The following FKTN variants were observed in gnomAD, a reference collection of about 807,000 sequenced individuals.
FKTN encodes ribitol-5-phosphate transferase FKTN.
In FKTN, 47 loss-of-function variants were observed where a neutral mutation model predicts 58.6. The observed-to-expected ratio is 0.80, with a 90% CI of 0.63 to 1.02. The LOEUF (loss-of-function observed/expected upper bound fraction) is 1.02, where lower values mean the gene tolerates loss of function less well. Ranked by LOEUF, FKTN falls within the 50% of genes least tolerant of loss-of-function variation. The probability of loss-of-function intolerance (pLI) is 0.00; values close to 1 mark genes in which losing one functional copy is unlikely to be tolerated. For missense variants in FKTN, 516 were observed against 537.3 expected, an observed-to-expected ratio of 0.96 and a Z score of 0.39; for synonymous variants, 178 against 191.9, an observed-to-expected ratio of 0.93 and a Z score of 0.60.
intron 3 of FKTN, among the ~76,000 whole-genome samples, chr9:105,582,031 A>G (rs1027779569): frequency 6.6e-6 from 1 of 151,986 alleles, no homozygotes; most frequent in African/African-American, 2.4e-5. Context: ...CGGCTCGCGC[A>G]CGGTGCGCGC....
At chr9:105,597,056 C>T (rs1298227139) in intron 4 of FKTN, among the ~76,000 whole-genome samples, 3 of 152,126 alleles carry the variant, frequency 2.0e-5, no homozygotes, top group African/African-American at 7.2e-5. Context: ...TCTATTCAAC[C>T]TATTCCTTTA....
At chr9:105,581,118 T>C (rs888804242) in intron 3 of FKTN, among the ~76,000 whole-genome samples, 1 of 149,716 alleles carries the variant, frequency 6.7e-6, no homozygotes, top group Admixed American at 6.6e-5. Flanking sequence ...TTGAATGTCC[T>C]CCCGTAGCTC....
chr9:105,583,934 C>T (rs975333972), intron 3 of FKTN, among the ~76,000 whole-genome samples: 5 of 152,112 alleles, frequency 3.3e-5, no homozygotes, highest in Non-Finnish European at 5.9e-5. Context: ...TTACCCATTA[C>T]TTTAAAAATC....
At chr9:105,565,701 G>C (rs1839440170) in intron 1 of FKTN, among the ~76,000 whole-genome samples, 1 of 152,142 alleles carries the variant, frequency 6.6e-6, no homozygotes. Flanking sequence ...ATAATAATGG[G>C]AGACTTTAAC....
At chr9:105,575,230 T>C in intron 3 of FKTN, 93 bp downstream of exon 3, 1 of 797,224 alleles carries the variant, frequency 1.3e-6, no homozygotes, top group South Asian at 1.4e-5. Context: ...ATATTAATCA[T>C]GGGTATTCAA....
intron 1 of FKTN, among the ~76,000 whole-genome samples, chr9:105,566,339 CA>C (rs1839608011): frequency 6.6e-6 from 1 of 152,014 alleles, no homozygotes; most frequent in African/African-American, 2.4e-5. Context: ...AAAAACCCTT[CA>C]AAAAATCAAT....
intron 10 of FKTN, among the ~76,000 whole-genome samples, chr9:105,632,766 AT>A (rs542889077): frequency 1.3e-5 from 2 of 152,162 alleles, no homozygotes; most frequent in African/African-American, 4.8e-5. Flanking sequence ...GGATGGAAGG[AT>A]TTTTTTGTGG....
intron 4 of FKTN, 131 bp downstream of exon 4, chr9:105,596,788 C>T (rs1183319677): frequency 1.3e-6 from 1 of 744,126 alleles, no homozygotes; most frequent in Non-Finnish European, 2.4e-6. Context: ...TTGGTAGTGG[C>T]AGGTAAGGGA....
chr9:105,624,470 A>T (rs915045309), intron 10 of FKTN: 8 of 151,994 alleles, frequency 5.3e-5, no homozygotes, highest in African/African-American at 9.6e-5. Context: ...TTATATAAAA[A>T]TTTTTTAAAA....
In FKTN at chr9:105,603,954, T is replaced by C. The variant is rs80316703; in HGVS notation, c.370-261T>C. The C allele has an allele frequency of 0.011, 5,020 of 468,546 alleles. 222 individuals carry two copies. The highest frequency in any genetic ancestry group is 0.09 in the African/African-American group (4,561 of 50,734). The allele number at this position is 468,546 out of a possible 1,614,324, so 29.0% of individuals were successfully genotyped here. ...AAGCGCTGGGATTACAGGGGTGAGC[T>C]ATGGTGCCCAACCTATAAAGAGAGT... On this transcript the variant is annotated intron_variant, in intron 5 of 10. Transcript: ENST00000357998.
chr9:105,589,813 T>C (rs1844538697), intron 3 of FKTN, among the ~76,000 whole-genome samples: 1 of 152,122 alleles, frequency 6.6e-6, no homozygotes, highest in South Asian at 2.1e-4. Context: ...TGAAGCATAC[T>C]AGGTAGAAAA....
At chr9:105,568,946 A>G (rs1271636818) in intron 1 of FKTN, among the ~76,000 whole-genome samples, 1 of 152,222 alleles carries the variant, frequency 6.6e-6, no homozygotes, top group East Asian at 1.9e-4. Context: ...ACACCATGAA[A>G]TATTATGCAG....
Position 105,575,169 on chromosome 9 carries a change from CCTTT to C in FKTN, c.105+36_105+39del, listed in dbSNP as rs398123554. On this transcript the variant is annotated intron_variant, in intron 3 of 10. Transcript: ENST00000357998. ...TTATTCCTTCTTTCTTATCATTCCT[CCTTT>C]CTTATCATTGTATATTTTCTGATCA... 2.0e-3 allele frequency: 2,257 copies of C among 1,123,672 alleles called. 34 individuals are homozygous for C. The African/African-American group carries it at 0.031, about 16-fold the overall frequency. 69.6% of individuals were successfully genotyped at this position (1,123,672 alleles called of 1,614,324 possible).
chr9:105,637,316 TAAGAGTGTCTGAA>T lies in FKTN; in HGVS notation c.*2054_*2066del, dbSNP rs964028801. On this transcript the variant is annotated 3_prime_UTR_variant, in exon 11 of 11. Coordinates refer to ENST00000357998, the MANE Select transcript of FKTN (RefSeq NM_001079802.2). ...TATCCTTTCCTGAAGTACAAAGTCT[TAAGAGTGTCTGAA>T]ATCCAAGACATCTTGGCCCAATTGA... 4 of 985,158 alleles carry T rather than the reference TAAGAGTGTCTGAA, an allele frequency of 4.1e-6. No individual in the cohort carries two copies. The African/African-American group carries it at 7.0e-5, about 17-fold the overall frequency. 61.0% of individuals were successfully genotyped at this position (985,158 alleles called of 1,614,324 possible).
At position 105,573,312 on chromosome 9, in the gene FKTN, A is replaced by G. The variant is rs368626406; in HGVS notation, c.-180-343A>G. 4.0e-4 allele frequency among the ~76,000 whole-genome samples: 61 copies of G among 152,168 alleles called. No homozygotes were observed. The South Asian group carries it at 0.013, about 32-fold the overall frequency. ...TATAACAGAAAAAATATTTAAGAAA[A>G]CCTTCTGCAAAGAAAAGACATCTTT... On this transcript the variant is annotated intron_variant, in intron 1 of 10. Transcript: ENST00000357998.
At chr9:105,623,607 G>T (rs1832320637) in intron 10 of FKTN, among the ~76,000 whole-genome samples, 1 of 152,158 alleles carries the variant, frequency 6.6e-6, no homozygotes, top group African/African-American at 2.4e-5. Flanking sequence ...AGAAAATTCA[G>T]ATTCATCCTC....
rs75204728 is a variant in FKTN, at chr9:105,608,778, C to T, written c.780+827C>T. ...AGGCCTGACAGCCCAAGTGGGCCTT[C>T]GTAGCCCTATTTCCTTAAGTCATTG... On this transcript the variant is annotated intron_variant, in intron 7 of 10. Coordinates refer to ENST00000357998, the MANE Select transcript of FKTN (RefSeq NM_001079802.2). Among the ~76,000 whole-genome samples the T allele has an allele frequency of 8.4e-3, 1,278 of 152,346 alleles. 20 individuals carry two copies. The highest frequency in any genetic ancestry group is 0.029 in the African/African-American group (1,211 of 41,570).
At chr9:105,632,896 G>T (rs776542796) in intron 10 of FKTN, among the ~76,000 whole-genome samples, 9 of 152,160 alleles carry the variant, frequency 5.9e-5, no homozygotes, top group Non-Finnish European at 1.2e-4. Flanking sequence ...GCCGAACTTA[G>T]TCTTAGCTTT....
intron 2 of FKTN, chr9:105,574,123 T>A (rs1564211023): frequency 6.6e-6 from 1 of 152,062 alleles, no homozygotes; most frequent in African/African-American, 2.4e-5. Flanking sequence ...TAGAAATAAT[T>A]AATAAAAGTC....
Sources: allele counts gnomAD v4.1 joint callset (sites outside exome capture counted in the v4.1 genomes callset), GRCh38; gene constraint gnomAD v4.1.1; transcripts MANE v1.5; gene names NCBI Gene and HGNC (gene_info 2026-07-23, HGNC 2026-07-21).